The following DYM variants were observed in gnomAD, a reference collection of about 807,000 sequenced individuals.
DYM encodes the protein dyggve-Melchior-Clausen syndrome protein.
In DYM, 78 loss-of-function variants were observed where a neutral mutation model predicts 93.1. That is an observed-to-expected ratio of 0.84 (90% CI 0.70 to 1.01). The LOEUF is 1.01. Ranked by LOEUF, DYM falls within the 50% of genes least tolerant of loss-of-function variation. The pLI, the probability that DYM is intolerant of heterozygous loss-of-function variation, is 0.00. For synonymous variants in DYM, 321 were observed against 319.7 expected (o/e 1.00, Z -0.04); for missense variants, 789 against 845.0 (o/e 0.93, Z 0.82).
At chr18:49,050,777 C>G (rs1166298838) in intron 17 of DYM, among the ~76,000 whole-genome samples, 1 of 152,126 alleles carries the variant, frequency 6.6e-6, no homozygotes, top group Non-Finnish European at 1.5e-5. Context: ...TCACAACACT[C>G]AGTGCAATTG....
At position 49,272,234 on chromosome 18, in the gene DYM, T is replaced by C. The variant is rs1253841408; in HGVS notation, c.1195A>G (p.Ile399Val). Reference sequence around the variant, plus strand: ...TCTTCCGTAAGGATCAACAATATTATAAGGGCCATATACACATGGTGTGAA... The same window carrying C: ...TCTTCCGTAAGGATCAACAATATTACAAGGGCCATATACACATGGTGTGAA... ...RNSHHVYMALIILLILTEDDG... is the reference protein window; with the variant it reads ...RNSHHVYMALVILLILTEDDG... Residue 399 changes from isoleucine (I) to valine (V), a missense_variant, in exon 11 of 18, where the codon ATA becomes GTA. Physicochemically the swap from Ile to Val is conservative, Grantham distance 29. Coordinates refer to ENST00000675505, the MANE Select transcript of DYM (RefSeq NM_001353214.3). 2 of 1,604,668 alleles carry C rather than the reference T, an allele frequency of 1.2e-6. No homozygotes were observed. The highest frequency in any genetic ancestry group is 1.3e-5 in the African/African-American group (1 of 74,822).
chr18:49,446,225 C>G (rs929748077), intron 1 of DYM, among the ~76,000 whole-genome samples: 5 of 151,944 alleles, frequency 3.3e-5, no homozygotes, highest in Admixed American at 2.6e-4. Flanking sequence ...AGTTCAAGAA[C>G]GGCCTGGGCA....
chr18:49,390,915 T>G, intron 3 of DYM: 1 of 154,712 alleles, frequency 6.5e-6, no homozygotes, highest in Non-Finnish European at 1.4e-5. Flanking sequence ...GCAATCTAAG[T>G]AAAACTGCCT....
chr18:49,402,826 T>C (rs1490629998), intron 2 of DYM, among the ~76,000 whole-genome samples: 1 of 152,174 alleles, frequency 6.6e-6, no homozygotes, highest in African/African-American at 2.4e-5. Flanking sequence ...CTTGTGCTTG[T>C]TACTGAAAAG....
intron 13 of DYM, among the ~76,000 whole-genome samples, chr18:49,247,501 A>G (rs2094198357): frequency 6.6e-6 from 1 of 152,186 alleles, no homozygotes; most frequent in Non-Finnish European, 1.5e-5. Flanking sequence ...GGCTAAGAGG[A>G]CAAAGTTGAA....
At chr18:49,334,708 C>T (rs991916960) in intron 6 of DYM, among the ~76,000 whole-genome samples, 1 of 152,100 alleles carries the variant, frequency 6.6e-6, no homozygotes, top group Non-Finnish European at 1.5e-5. Context: ...ATACTTAACA[C>T]CTACTTAAAT....
Position 49,040,860 on chromosome 18 carries a change from A to G in DYM, c.*3195T>C, listed in dbSNP as rs1202184316. On this transcript the variant is annotated 3_prime_UTR_variant, in exon 18 of 18. Transcript: ENST00000675505. ...TAAAGGACGAAATGTTGCTTAAAGT[A>G]TGATATATTAACAATTCCAGTGCTT... Among the ~76,000 whole-genome samples the G allele has an allele frequency of 2.0e-5, 3 of 152,232 alleles. No homozygotes were observed. The highest frequency in any genetic ancestry group is 4.4e-5 in the Non-Finnish European group (3 of 68,046).
chr18:49,346,416 A>G (rs538252627), intron 6 of DYM, among the ~76,000 whole-genome samples: 2 of 152,322 alleles, frequency 1.3e-5, no homozygotes, highest in Admixed American at 1.3e-4. Flanking sequence ...AATATCCAGA[A>G]TAGGGAAATG....
intron 2 of DYM, among the ~76,000 whole-genome samples, chr18:49,420,907 C>A (rs908375078): frequency 2.0e-5 from 3 of 152,164 alleles, no homozygotes; most frequent in Non-Finnish European, 2.9e-5. Flanking sequence ...CGGAGCCTTG[C>A]TCACTGCTAG....
chr18:49,451,359 T>C (rs1215856727), intron 1 of DYM, among the ~76,000 whole-genome samples: 1 of 152,210 alleles, frequency 6.6e-6, no homozygotes, highest in East Asian at 1.9e-4. Flanking sequence ...AGTGTATGCT[T>C]CCCTTTAAGG....
chr18:49,412,750 G>C (rs919185610), intron 2 of DYM, among the ~76,000 whole-genome samples: 1 of 152,162 alleles, frequency 6.6e-6, no homozygotes, highest in Non-Finnish European at 1.5e-5. Flanking sequence ...TATAGAAACA[G>C]AGACAGGCAT....
At position 49,056,789 on chromosome 18, in the gene DYM, C is replaced by T. The variant is rs796155681; in HGVS notation, c.2026-12585G>A. On this transcript the variant is annotated intron_variant, in intron 17 of 17. Coordinates refer to ENST00000675505, the MANE Select transcript of DYM (RefSeq NM_001353214.3). ...GTCTCGATCTCCTGACCTCATGATCCGCCCACCTTGGCCTCCCAAAGTGCT... is the reference window on the plus strand; with the variant it reads ...GTCTCGATCTCCTGACCTCATGATCTGCCCACCTTGGCCTCCCAAAGTGCT... 4.9e-4 allele frequency among the ~76,000 whole-genome samples: 74 copies of T among 152,232 alleles called. 1 individual carries two copies. The highest frequency in any genetic ancestry group is 1.6e-3 in the African/African-American group (67 of 41,536).
intron 13 of DYM, among the ~76,000 whole-genome samples, chr18:49,218,285 G>C (rs7234433): frequency 0.73 from 111,051 of 151,346 alleles, 41,459 homozygotes; most frequent in Non-Finnish European, 0.81. Flanking sequence ...AAGAGACTTA[G>C]ACTCCCACAC....
intron 17 of DYM, among the ~76,000 whole-genome samples, chr18:49,050,284 T>A (rs1254186706): frequency 6.6e-6 from 1 of 151,142 alleles, no homozygotes; most frequent in Non-Finnish European, 1.5e-5. Flanking sequence ...AGAGACGGGG[T>A]TTCTCCATGT....
intron 8 of DYM, among the ~76,000 whole-genome samples, chr18:49,296,252 T>C (rs926876068): frequency 6.6e-6 from 1 of 152,136 alleles, no homozygotes. Flanking sequence ...GAAGCATTCA[T>C]ATGGAAAAAA....
At chr18:49,176,799 A>T (rs2089433655) in intron 14 of DYM, among the ~76,000 whole-genome samples, 1 of 152,140 alleles carries the variant, frequency 6.6e-6, no homozygotes, top group Admixed American at 6.6e-5. Flanking sequence ...TCTAAAAAGC[A>T]CTTTACTCCT....
chr18:49,211,956 G>A (rs1222420799), intron 13 of DYM, among the ~76,000 whole-genome samples: 1 of 152,142 alleles, frequency 6.6e-6, no homozygotes, highest in Non-Finnish European at 1.5e-5. Flanking sequence ...CTTGAAAAAT[G>A]TGTATCACCA....
chr18:49,256,906 T>G (rs1228140394), intron 13 of DYM, 104 bp downstream of exon 13: 6 of 953,932 alleles, frequency 6.3e-6, no homozygotes, highest in African/African-American at 1.6e-5. Flanking sequence ...AGTAGGAAAA[T>G]TTGATAGTCC....
intron 17 of DYM, among the ~76,000 whole-genome samples, chr18:49,047,841 G>GT (rs1292973782): frequency 1.3e-5 from 2 of 152,086 alleles, no homozygotes; most frequent in Admixed American, 1.3e-4. Context: ...CAAGAGGGGG[G>GT]CAACAAGTAG....
Sources: allele counts gnomAD v4.1 joint callset (sites outside exome capture counted in the v4.1 genomes callset), GRCh38; gene constraint gnomAD v4.1.1; transcripts MANE v1.5; gene names NCBI Gene and HGNC (gene_info 2026-07-23, HGNC 2026-07-21).